Variants in LARGE1 observed in about 807,000 individuals in gnomAD.
LARGE1 encodes the protein LARGE xylosyl- and glucuronyltransferase 1.
A neutral mutation model predicts 87.6 loss-of-function variants in LARGE1; 43 were observed. The ratio of observed to expected loss-of-function variants is 0.49; its 90% CI spans 0.38 to 0.63. The LOEUF (loss-of-function observed/expected upper bound fraction) is 0.63. Among genes scored for constraint, LARGE1 ranks in the 30% least tolerant of loss-of-function variants. The probability of loss-of-function intolerance (pLI) is 0.00; values close to 1 mark genes in which losing one functional copy is unlikely to be tolerated. For missense variants in LARGE1, 802 were observed against 1,000.2 expected (o/e 0.80, Z 2.67); for synonymous variants, 434 against 394.6 (o/e 1.10, Z -1.18).
At chr22:33,426,384 C>T (rs2066879088) in intron 7 of LARGE1, among the ~76,000 whole-genome samples, 1 of 152,128 alleles carries the variant, frequency 6.6e-6, no homozygotes, top group South Asian at 2.1e-4. Context: ...GCAATTATTA[C>T]AGACAGAAAT....
chr22:33,814,722 ATATGTG>A (rs2086598820), intron 1 of LARGE1, among the ~76,000 whole-genome samples: 2 of 51,644 alleles, frequency 3.9e-5, no homozygotes, highest in African/African-American at 1.2e-4. Context: ...AAATCAAGGT[ATATGTG>A]TGTGTGTGTG....
intron 9 of LARGE1, among the ~76,000 whole-genome samples, chr22:33,355,222 C>T (rs1460463481): frequency 6.6e-6 from 1 of 152,154 alleles, no homozygotes; most frequent in African/African-American, 2.4e-5. Flanking sequence ...TTTTATGTAG[C>T]ACCTTCATTT....
At chr22:33,878,125 A>ATTTTTTTTTTTTTTTTTTTTTTTTTT (rs1601836110) in intron 1 of LARGE1, among the ~76,000 whole-genome samples, 2 of 51,234 alleles carry the variant, frequency 3.9e-5, no homozygotes, top group Non-Finnish European at 8.1e-5. Flanking sequence ...TTTATATTGT[A>ATTTTTTTTTTTTTTTTTTTTTTTTTT]TTTCTTTTTT....
At chr22:33,155,069 C>T in the LARGE1 span, among the ~76,000 whole-genome samples, 1 of 152,192 alleles carries the variant, frequency 6.6e-6, no homozygotes, top group Admixed American at 6.5e-5. Context: ...GTCCAATAAA[C>T]CTCTTTCTTT....
At chr22:33,598,116 T>C (rs918376012) in intron 5 of LARGE1, among the ~76,000 whole-genome samples, 1 of 152,050 alleles carries the variant, frequency 6.6e-6, no homozygotes, top group Non-Finnish European at 1.5e-5. Context: ...CTAGACACAA[T>C]GACAGTAACT....
intron 11 of LARGE1, among the ~76,000 whole-genome samples, chr22:33,167,189 G>A (rs1244443422): frequency 6.6e-6 from 1 of 152,106 alleles, no homozygotes; most frequent in Non-Finnish European, 1.5e-5. Flanking sequence ...GAAGCCTCTT[G>A]CCACTTGAAA....
chr22:33,778,579 C>T (rs2085320290), intron 1 of LARGE1, among the ~76,000 whole-genome samples: 1 of 152,152 alleles, frequency 6.6e-6, no homozygotes, highest in Non-Finnish European at 1.5e-5. Context: ...AACACATGGC[C>T]TTTTGGGTCT....
At chr22:33,350,339 C>T (rs114770163) in intron 9 of LARGE1, among the ~76,000 whole-genome samples, 1,644 of 152,262 alleles carry the variant, frequency 0.011, 34 homozygotes, top group African/African-American at 0.037. Context: ...TGCCTTTATG[C>T]GACTTCCCTG....
chr22:33,781,063 G>T (rs1192385100), intron 1 of LARGE1, among the ~76,000 whole-genome samples: 1 of 152,196 alleles, frequency 6.6e-6, no homozygotes, highest in African/African-American at 2.4e-5. Context: ...TTGTTGTCTG[G>T]CTTTAAGAAT....
the LARGE1 span, among the ~76,000 whole-genome samples, chr22:33,134,434 T>G: frequency 6.6e-6 from 1 of 152,202 alleles, no homozygotes; most frequent in Non-Finnish European, 1.5e-5. Context: ...AATTTTTGTA[T>G]TTTTAGTAGA....
intron 1 of LARGE1, among the ~76,000 whole-genome samples, chr22:33,815,680 G>A (rs1289723349): frequency 6.6e-6 from 1 of 152,200 alleles, no homozygotes; most frequent in Non-Finnish European, 1.5e-5. Context: ...CTTCAGGGAA[G>A]AGACTGCCTG....
chr22:33,194,602 T>C (rs1923968618), intron 11 of LARGE1, among the ~76,000 whole-genome samples: 1 of 152,222 alleles, frequency 6.6e-6, no homozygotes, highest in African/African-American at 2.4e-5. Flanking sequence ...CTTCTGTCCA[T>C]CCACTTCTTG....
At chr22:33,716,167 G>T (rs749065320) in intron 2 of LARGE1, among the ~76,000 whole-genome samples, 26 of 151,986 alleles carry the variant, frequency 1.7e-4, no homozygotes, top group Non-Finnish European at 2.8e-4. Flanking sequence ...TATATCCTCA[G>T]GTTGATGAAT....
At chr22:33,081,063 CTAT>C in the LARGE1 span, among the ~76,000 whole-genome samples, 1 of 152,130 alleles carries the variant, frequency 6.6e-6, no homozygotes, top group Non-Finnish European at 1.5e-5. Flanking sequence ...TGTTGGATCC[CTAT>C]TCCCCAGTGT....
intron 6 of LARGE1, among the ~76,000 whole-genome samples, chr22:33,478,427 A>AT (rs1208835723): frequency 1.3e-5 from 2 of 152,246 alleles, no homozygotes; most frequent in African/African-American, 4.8e-5. Context: ...GTTCTGCAAA[A>AT]TAGTCTGGGA....
At chr22:33,315,373 C>T (rs1054279675) in intron 11 of LARGE1, among the ~76,000 whole-genome samples, 12 of 152,148 alleles carry the variant, frequency 7.9e-5, no homozygotes, top group Non-Finnish European at 1.2e-4. Flanking sequence ...GGCTCATGTC[C>T]GTACTGCCTG....
At chr22:33,806,604 A>G (rs2086317163) in intron 1 of LARGE1, among the ~76,000 whole-genome samples, 1 of 152,166 alleles carries the variant, frequency 6.6e-6, no homozygotes, top group Non-Finnish European at 1.5e-5. Context: ...GAGCTAATCC[A>G]TCTTTGAATC....
intron 9 of LARGE1, 34 bp downstream of exon 9, chr22:33,381,885 C>T (rs2065170651): frequency 1.2e-6 from 2 of 1,613,476 alleles, no homozygotes; most frequent in Middle Eastern, 1.8e-4. Context: ...CCCACCTCAC[C>T]CTACCTCCAG....
At chr22:33,439,960 G>A (rs2147808845) in intron 6 of LARGE1, among the ~76,000 whole-genome samples, 1 of 152,198 alleles carries the variant, frequency 6.6e-6, no homozygotes, top group Admixed American at 6.5e-5. Context: ...TCTATGGAGT[G>A]TTTCTCAAAT....
Sources: gnomAD v4.1 joint callset for allele counts (sites outside exome capture counted in the v4.1 genomes callset) on GRCh38, gnomAD v4.1.1 for gene constraint, MANE v1.5 for transcripts, NCBI Gene and HGNC (gene_info 2026-07-23, HGNC 2026-07-21) for gene names.